Variants in TSPAN19 observed in about 807,000 individuals in gnomAD.
TSPAN19 encodes the protein tetraspanin 19, also known as tetraspanin-19.
TSPAN19 carries 44 observed loss-of-function variants against 35.1 expected under a neutral mutation model. The observed-to-expected ratio is 1.25, with a 90% CI of 0.98 to 1.61. The LOEUF is 1.61. Ranked by LOEUF, TSPAN19 falls within the 40% of genes most tolerant of loss-of-function variation. The pLI, the probability that TSPAN19 is intolerant of heterozygous loss-of-function variation, is 0.00. For missense variants in TSPAN19, 290 were observed against 280.0 expected (o/e 1.04, Z -0.26); for synonymous variants, 79 against 92.0 (o/e 0.86, Z 0.81).
chr12:85,032,745 T>C (rs535351400), intron 1 of TSPAN19, among the ~76,000 whole-genome samples: 26 of 152,328 alleles, frequency 1.7e-4, no homozygotes, highest in Non-Finnish European at 3.1e-4. Context: ...AAGTTAAGTG[T>C]AGTTCTTATT....
At chr12:85,016,165 TA>T in intron 7 of TSPAN19, 194 bp from the exon 8 acceptor site, 1 of 434,628 alleles carries the variant, frequency 2.3e-6, no homozygotes, top group East Asian at 3.8e-5. Context: ...TTGCTAATTT[TA>T]AAATTGCTAA....
chr12:85,026,197 G>A (rs957493323), intron 4 of TSPAN19, among the ~76,000 whole-genome samples: 3 of 152,036 alleles, frequency 2.0e-5, no homozygotes, highest in African/African-American at 7.2e-5. Context: ...CATTGTATAA[G>A]TAGTAGACTC....
At chr12:85,027,158 G>C (rs1351171546) in intron 4 of TSPAN19, among the ~76,000 whole-genome samples, 1 of 152,156 alleles carries the variant, frequency 6.6e-6, no homozygotes, top group Non-Finnish European at 1.5e-5. Context: ...AGCCTCGAGA[G>C]AAACAGTGGG....
intron 4 of TSPAN19, among the ~76,000 whole-genome samples, chr12:85,024,962 A>C (rs1223766219): frequency 6.6e-6 from 1 of 152,000 alleles, no homozygotes; most frequent in African/African-American, 2.4e-5. Flanking sequence ...ATATCTGACC[A>C]AAATTTTCTT....
intron 1 of TSPAN19, among the ~76,000 whole-genome samples, chr12:85,030,638 C>T (rs1877641265): frequency 6.6e-6 from 1 of 151,994 alleles, no homozygotes; most frequent in African/African-American, 2.4e-5. Context: ...TTGTTGAATG[C>T]ATGAATAGAT....
chr12:85,022,609 C>T (rs2135802359), intron 5 of TSPAN19, among the ~76,000 whole-genome samples: 1 of 152,140 alleles, frequency 6.6e-6, no homozygotes, highest in East Asian at 1.9e-4. Context: ...CAACAACTTG[C>T]TGTAAAGCAA....
chr12:85,025,532 G>C (rs1008720875), intron 4 of TSPAN19, among the ~76,000 whole-genome samples: 1 of 150,766 alleles, frequency 6.6e-6, no homozygotes. Context: ...TTTTTGTTGG[G>C]GGGGAGGTGG....
At position 85,029,924 on chromosome 12, in the gene TSPAN19, ATTGTT is replaced by A; in HGVS notation, c.18_22del (p.Lys6AsnfsTer4). 6.8e-7 allele frequency: 1 copy of A among 1,459,924 alleles called. No homozygotes were observed. The highest frequency in any genetic ancestry group is 9.2e-7 in the Non-Finnish European group (1 of 1,081,576). 90.4% of individuals were successfully genotyped at this position (1,459,924 alleles called of 1,614,324 possible). A position where few individuals can be genotyped will look rare whatever the true frequency, so the allele number is the denominator to read the frequency against. ...GAGATTAAGAAAGTACTTAATAATT[ATTGTT>A]TTGTTATTTCTTAACATTCTTTTTC... On this transcript the variant is annotated frameshift_variant, in exon 2 of 9. Coordinates refer to ENST00000532498, the MANE Select transcript of TSPAN19 (RefSeq NM_001100917.2). LOFTEE classifies it high-confidence loss of function.
intron 5 of TSPAN19, among the ~76,000 whole-genome samples, chr12:85,023,083 A>G (rs976751684): frequency 1.9e-4 from 29 of 152,122 alleles, no homozygotes; most frequent in African/African-American, 7.0e-4. Flanking sequence ...ATACTGTTTG[A>G]TATTTAAAGC....
intron 8 of TSPAN19, chr12:85,014,935 T>C (rs972451585): frequency 1.9e-5 from 3 of 157,662 alleles, no homozygotes; most frequent in African/African-American, 7.2e-5. Context: ...TAATGAAAGG[T>C]GGCTTGTAAA....
intron 4 of TSPAN19, among the ~76,000 whole-genome samples, chr12:85,026,898 G>T (rs541354471): frequency 6.6e-6 from 1 of 152,222 alleles, no homozygotes; most frequent in East Asian, 1.9e-4. Flanking sequence ...AGTGTCCAGG[G>T]TGACTACCCA....
chr12:85,022,393 A>G (rs186428305), intron 5 of TSPAN19, among the ~76,000 whole-genome samples: 3 of 152,246 alleles, frequency 2.0e-5, no homozygotes, highest in Admixed American at 1.3e-4. Flanking sequence ...CCATTACAGA[A>G]GAGTATAGAT....
intron 4 of TSPAN19, among the ~76,000 whole-genome samples, chr12:85,026,989 T>A (rs1301642585): frequency 2.0e-5 from 3 of 152,142 alleles, no homozygotes; most frequent in African/African-American, 7.2e-5. Context: ...GAACTTCCCA[T>A]CTGCTTGGCT....
intron 7 of TSPAN19, 189 bp downstream of exon 7, chr12:85,017,267 G>T: frequency 5.4e-6 from 3 of 556,158 alleles, no homozygotes; most frequent in East Asian, 3.2e-5. Flanking sequence ...TTTACTTTAC[G>T]TATTATACAC....
intron 4 of TSPAN19, 111 bp from the exon 5 acceptor site, chr12:85,023,511 T>C (rs879933598): frequency 1.3e-6 from 1 of 772,768 alleles, no homozygotes; most frequent in Non-Finnish European, 2.0e-6. Context: ...AAAGTATATA[T>C]GGGTATTGCT....
rs531895423 is a variant in TSPAN19 at position 85,033,904 on chromosome 12, T to A, written c.-28+2300A>T. 2.6e-5 allele frequency among the ~76,000 whole-genome samples: 4 copies of A among 152,272 alleles called. No homozygotes were observed. In the South Asian group the frequency reaches 8.3e-4, roughly 32 times the overall value. On this transcript the variant is annotated intron_variant, in intron 1 of 8. Coordinates refer to ENST00000532498, the MANE Select transcript of TSPAN19 (RefSeq NM_001100917.2). The stretch of plus-strand genomic sequence containing the variant: ...CCAGTGCCTGGCTAGATGTTAGTTA[T>A]CTCGTTATATCATAAGGCTAGAATC...
At position 85,022,228 on chromosome 12, in the gene TSPAN19, C is replaced by A. The variant is rs547082682; in HGVS notation, c.339+1098G>T. On this transcript the variant is annotated intron_variant, in intron 5 of 8. Transcript: ENST00000532498. The stretch of plus-strand genomic sequence containing the variant: ...ACTCACACACACACAAACACACGCA[C>A]ACACACACACACATACATTTTAGAT... Among the ~76,000 whole-genome samples, 54 of 151,684 alleles carry A rather than the reference C, an allele frequency of 3.6e-4. No homozygotes were observed. In the South Asian group the frequency reaches 1.0e-2, roughly 28 times the overall value.
intron 3 of TSPAN19, 37 bp from the exon 4 acceptor site, chr12:85,028,060 A>T (rs759790918): frequency 6.9e-7 from 1 of 1,442,460 alleles, no homozygotes; most frequent in Non-Finnish European, 9.4e-7. Context: ...ATGAAGTGGT[A>T]TTTTATATGA....
intron 3 of TSPAN19, among the ~76,000 whole-genome samples, chr12:85,028,942 C>T (rs1877554193): frequency 6.6e-6 from 1 of 151,946 alleles, no homozygotes; most frequent in East Asian, 1.9e-4. Flanking sequence ...TGAGCATAGG[C>T]TTTATTGGTC....
Sources: allele counts gnomAD v4.1 joint callset (sites outside exome capture counted in the v4.1 genomes callset), GRCh38; gene constraint gnomAD v4.1.1; transcripts MANE v1.5; gene names NCBI Gene and HGNC (gene_info 2026-07-23, HGNC 2026-07-21).